The following RIMKLB variants were observed in gnomAD, a reference collection of about 807,000 sequenced individuals.
RIMKLB encodes beta-citrylglutamate synthase B.
Under a neutral mutation model 32.0 loss-of-function variants are expected in RIMKLB, and 7 were observed. The ratio of observed to expected loss-of-function variants is 0.22; its 90% CI spans 0.12 to 0.41. RIMKLB has a LOEUF of 0.41. RIMKLB is among the 10% of genes least tolerant of loss of function. The pLI, the probability that RIMKLB is intolerant of heterozygous loss-of-function variation, is 1.00. For synonymous variants in RIMKLB, 172 were observed against 185.1 expected (o/e 0.93, Z 0.57); for missense variants, 289 against 498.7 (o/e 0.58, Z 4.00).
At chr12:8,763,311 G>A (rs1399204100) in intron 5 of RIMKLB, among the ~76,000 whole-genome samples, 3 of 152,068 alleles carry the variant, frequency 2.0e-5, no homozygotes, top group Admixed American at 6.5e-5. Context: ...GAAAAGTCTT[G>A]GCCTGTTGGC....
At chr12:8,771,531 T>G (rs746857719) in intron 5 of RIMKLB, among the ~76,000 whole-genome samples, 12 of 152,350 alleles carry the variant, frequency 7.9e-5, no homozygotes, top group East Asian at 1.9e-4. Context: ...GGAAGAAGAA[T>G]AATACTTTGT....
At chr12:8,777,450 G>C (rs1950802862), downstream of RIMKLB, 2 of 1,109,872 alleles carry the variant, frequency 1.8e-6, no homozygotes, top group Admixed American at 4.3e-5. Context: ...ATGCTGTTTT[G>C]GGGTGGCTGC....
chr12:8,684,373 A>C (rs1302673721), intron 1 of RIMKLB, among the ~76,000 whole-genome samples: 1 of 152,026 alleles, frequency 6.6e-6, no homozygotes, highest in Non-Finnish European at 1.5e-5. Flanking sequence ...GGCTTTCACT[A>C]TGTTGGCCAG....
Position 8,776,792 on chromosome 12 carries a change from A to C in RIMKLB, c.*3008A>C, listed in dbSNP as rs1950753693. 1 of 985,420 alleles carries C rather than the reference A, an allele frequency of 1.0e-6. No individual in the cohort carries two copies. Among genetic ancestry groups the C allele is most frequent in the African/African-American group, 1.7e-5 (1 of 57,210 alleles). 61.0% of individuals were successfully genotyped at this position (985,420 alleles called of 1,614,324 possible). A position where few individuals can be genotyped will look rare whatever the true frequency, so the allele number is the denominator to read the frequency against. ...AAAACTACCCTGGAACAGTAGAAAAACCCAACAAGAGACTTGGCATTCATC... is the reference window on the plus strand; with the variant it reads ...AAAACTACCCTGGAACAGTAGAAAACCCCAACAAGAGACTTGGCATTCATC... On this transcript the variant is annotated 3_prime_UTR_variant, in exon 6 of 6. Transcript: ENST00000535829.
intron 1 of RIMKLB, among the ~76,000 whole-genome samples, chr12:8,702,465 T>TTTTA (rs1260568129): frequency 6.6e-6 from 1 of 152,240 alleles, no homozygotes. Flanking sequence ...TCTTAAATGC[T>TTTTA]TTTATTCTGT....
intron 1 of RIMKLB, among the ~76,000 whole-genome samples, chr12:8,708,320 A>G (rs559818720): frequency 1.9e-4 from 29 of 152,156 alleles, no homozygotes; most frequent in Non-Finnish European, 3.5e-4. Flanking sequence ...CTGTACTAGA[A>G]TAAATACCTT....
At chr12:8,781,726 C>T (rs1366113481), downstream of RIMKLB, among the ~76,000 whole-genome samples, 1 of 152,184 alleles carries the variant, frequency 6.6e-6, no homozygotes, top group Non-Finnish European at 1.5e-5. Context: ...GCATGTCTGT[C>T]TTTCTCTTCC....
At chr12:8,696,155 A>G (rs979945283), upstream of RIMKLB, among the ~76,000 whole-genome samples, 3 of 152,142 alleles carry the variant, frequency 2.0e-5, no homozygotes, top group African/African-American at 7.2e-5. Context: ...ATTATTATTG[A>G]TCCTCTGTAC....
intron 1 of RIMKLB, among the ~76,000 whole-genome samples, chr12:8,688,015 T>C (rs1942628079): frequency 6.6e-6 from 1 of 152,052 alleles, no homozygotes; most frequent in Admixed American, 6.6e-5. Context: ...CAGGAAGAGC[T>C]TATGAAAGGG....
At chr12:8,687,144 A>G (rs1371303268) in intron 1 of RIMKLB, among the ~76,000 whole-genome samples, 1 of 152,202 alleles carries the variant, frequency 6.6e-6, no homozygotes, top group Non-Finnish European at 1.5e-5. Context: ...TAAACACAGG[A>G]TGATCCGTTT....
chr12:8,710,433 G>C (rs1000922702), intron 1 of RIMKLB, among the ~76,000 whole-genome samples: 10 of 150,110 alleles, frequency 6.7e-5, no homozygotes, highest in African/African-American at 2.5e-4. Flanking sequence ...TCAGCCTCCC[G>C]AGTAGCTGGG....
At chr12:8,764,113 AG>A (rs1480515854) in intron 5 of RIMKLB, among the ~76,000 whole-genome samples, 1 of 152,152 alleles carries the variant, frequency 6.6e-6, no homozygotes, top group Middle Eastern at 3.2e-3. Context: ...GGAGTATTGT[AG>A]GGGCTACTGC....
chr12:8,671,249 T>C, the RIMKLB span, among the ~76,000 whole-genome samples: 2 of 152,082 alleles, frequency 1.3e-5, no homozygotes, highest in African/African-American at 4.8e-5. Context: ...TTTTTTCTTT[T>C]CTTTCTTCTT....
At chr12:8,715,799 A>T (rs1944779345) in intron 2 of RIMKLB, among the ~76,000 whole-genome samples, 1 of 152,244 alleles carries the variant, frequency 6.6e-6, no homozygotes, top group African/African-American at 2.4e-5. Flanking sequence ...AAATAAATGT[A>T]AAGTTATAAC....
chr12:8,781,233 C>T (rs937260786), downstream of RIMKLB, among the ~76,000 whole-genome samples: 3 of 151,998 alleles, frequency 2.0e-5, no homozygotes, highest in Non-Finnish European at 2.9e-5. Context: ...CCCAGCTACG[C>T]GGGAGGCTGA....
chr12:8,735,560 G>A (rs1946923090), intron 2 of RIMKLB, among the ~76,000 whole-genome samples: 1 of 151,862 alleles, frequency 6.6e-6, no homozygotes, highest in Non-Finnish European at 1.5e-5. Context: ...TAAATACCAA[G>A]AGATTAAGCT....
In RIMKLB at chr12:8,776,573, GATT is replaced by G. The variant is rs2138354373; in HGVS notation, c.*2793_*2795del. 2.4e-6 allele frequency: 2 copies of G among 823,092 alleles called. No homozygotes were observed. Among genetic ancestry groups the G allele is most frequent in the Non-Finnish European group, 2.9e-6 (2 of 682,310 alleles). The allele number at this position is 823,092 out of a possible 1,614,324, so 51.0% of individuals were successfully genotyped here. ...TAATTCTAAATTGTATTTCAAAAAT[GATT>G]ATTTCTGATATTGTTTTTATGTCAC... On this transcript the variant is annotated 3_prime_UTR_variant, in exon 6 of 6. Transcript: ENST00000535829.
rs1946923988 is a variant in RIMKLB at position 8,735,574 on chromosome 12, A to G, written c.176-14288A>G. Among the ~76,000 whole-genome samples, 3 of 152,108 alleles carry G rather than the reference A, an allele frequency of 2.0e-5. No homozygotes were observed. In the South Asian group the frequency reaches 6.2e-4, roughly 32 times the overall value. ...GTAAATACCAAGAGATTAAGCTTTAAAACAGAGGGGAAGTATTGCTAAGTA... is the reference window on the plus strand; with the variant it reads ...GTAAATACCAAGAGATTAAGCTTTAGAACAGAGGGGAAGTATTGCTAAGTA... On this transcript the variant is annotated intron_variant, in intron 2 of 5. Coordinates refer to ENST00000535829, the MANE Select transcript of RIMKLB (RefSeq NM_001297776.2).
intron 1 of RIMKLB, among the ~76,000 whole-genome samples, chr12:8,690,056 G>C (rs1942687288): frequency 6.6e-6 from 1 of 152,094 alleles, no homozygotes; most frequent in African/African-American, 2.4e-5. Flanking sequence ...AGGATTTTCT[G>C]CTAAACCCTC....
Sources: gnomAD v4.1 joint callset for allele counts (sites outside exome capture counted in the v4.1 genomes callset) on GRCh38, gnomAD v4.1.1 for gene constraint, MANE v1.5 for transcripts, NCBI Gene and HGNC (gene_info 2026-07-23, HGNC 2026-07-21) for gene names.